The following LRRC20 variants were observed in gnomAD, a reference collection of about 807,000 sequenced individuals.
LRRC20 encodes the protein leucine-rich repeat-containing protein 20.
LRRC20 carries 11 observed loss-of-function variants against 14.4 expected under a neutral mutation model. The observed-to-expected ratio is 0.77, with a 90% CI of 0.48 to 1.27. LRRC20 has a LOEUF of 1.27. LRRC20 is among the 50% of genes most tolerant of loss of function. The pLI, the probability that LRRC20 is intolerant of heterozygous loss-of-function variation, is 0.00. For missense variants in LRRC20, 219 were observed against 251.2 expected, an observed-to-expected ratio of 0.87 and a Z score of 0.87; for synonymous variants, 121 against 107.3, an observed-to-expected ratio of 1.13 and a Z score of -0.79.
intron 2 of LRRC20, among the ~76,000 whole-genome samples, chr10:70,371,608 G>A (rs1044492281): frequency 3.3e-5 from 5 of 152,182 alleles, no homozygotes; most frequent in Admixed American, 2.0e-4. Flanking sequence ...GCCCCTCAGC[G>A]GTCCAGGACC....
At chr10:70,310,034 G>A (rs186035216) in intron 4 of LRRC20, among the ~76,000 whole-genome samples, 205 of 152,370 alleles carry the variant, frequency 1.3e-3, no homozygotes, top group Non-Finnish European at 2.2e-3. Flanking sequence ...CACAGGCACA[G>A]AGCAGGGATT....
chr10:70,337,838 C>G lies in LRRC20; in HGVS notation c.232+2715G>C, dbSNP rs557222646. Among the ~76,000 whole-genome samples, 6 of 152,258 alleles carry G rather than the reference C, an allele frequency of 3.9e-5. No individual in the cohort carries two copies. In the South Asian group the frequency reaches 1.2e-3, roughly 32 times the overall value. On this transcript the variant is annotated intron_variant, in intron 3 of 4. Coordinates refer to ENST00000446961, the MANE Select transcript of LRRC20 (RefSeq NM_001278212.2). The stretch of plus-strand genomic sequence containing the variant: ...GGATTGGCCTTTGTTTCTGGGCCTC[C>G]GGACCTAGGTCTGGGAGACGCAGGT...
intron 2 of LRRC20, among the ~76,000 whole-genome samples, chr10:70,346,075 A>G (rs144873623): frequency 0.041 from 6,244 of 152,258 alleles, 448 homozygotes; most frequent in African/African-American, 0.14. Flanking sequence ...CAACATGATG[A>G]AACCCTATCT....
chr10:70,319,124 C>G (rs566685090), intron 4 of LRRC20, among the ~76,000 whole-genome samples: 11 of 144,634 alleles, frequency 7.6e-5, no homozygotes, highest in African/African-American at 2.5e-4. Context: ...TTAATGAAGA[C>G]TTGTTTTCCT....
chr10:70,302,376 T>A (rs1219555454), intron 4 of LRRC20, among the ~76,000 whole-genome samples: 4 of 152,058 alleles, frequency 2.6e-5, no homozygotes, highest in African/African-American at 9.7e-5. Context: ...AAATACCGTA[T>A]GACTCCACTT....
intron 4 of LRRC20, among the ~76,000 whole-genome samples, chr10:70,304,019 T>G (rs539577905): frequency 6.6e-5 from 10 of 152,196 alleles, no homozygotes; most frequent in Admixed American, 6.5e-4. Context: ...TATGTGAATT[T>G]CGCCTCAGTT....
At chr10:70,328,350 G>A (rs1033115274) in intron 3 of LRRC20, among the ~76,000 whole-genome samples, 1 of 151,800 alleles carries the variant, frequency 6.6e-6, no homozygotes, top group African/African-American at 2.4e-5. Context: ...AGGCTGGAGT[G>A]CAGTGGTGTG....
intron 2 of LRRC20, among the ~76,000 whole-genome samples, chr10:70,352,124 TTG>T (rs1491428583): frequency 1.5e-5 from 1 of 64,988 alleles, no homozygotes; most frequent in Non-Finnish European, 3.8e-5. Flanking sequence ...AAGACATGCT[TTG>T]TTTTTTGTAA....
At chr10:70,301,639 C>T in intron 4 of LRRC20, 131 bp from the exon 5 acceptor site, 1 of 1,104,976 alleles carries the variant, frequency 9.0e-7, no homozygotes, top group Non-Finnish European at 1.3e-6. Flanking sequence ...CACGTGGGCT[C>T]AGCTCCTGGT....
chr10:70,333,406 T>C (rs968249984), intron 3 of LRRC20, among the ~76,000 whole-genome samples: 6 of 152,170 alleles, frequency 3.9e-5, no homozygotes, highest in Non-Finnish European at 8.8e-5. Context: ...CTCCCCTTCA[T>C]AGGGAATTTA....
intron 2 of LRRC20, among the ~76,000 whole-genome samples, chr10:70,367,958 C>CTGTGTTATGTTATGT (rs1844077975): frequency 4.6e-5 from 1 of 21,896 alleles, no homozygotes; most frequent in African/African-American, 2.0e-4. Context: ...ATAAATCTGC[C>CTGTGTTATGTTATGT]TATGTTATGT....
intron 2 of LRRC20, among the ~76,000 whole-genome samples, chr10:70,341,573 GC>G (rs1842914424): frequency 6.6e-6 from 1 of 152,158 alleles, no homozygotes; most frequent in South Asian, 2.1e-4. Flanking sequence ...TTCGAGACCA[GC>G]CTGGCCAACA....
At chr10:70,336,677 C>T (rs1407585785) in intron 3 of LRRC20, among the ~76,000 whole-genome samples, 1 of 152,220 alleles carries the variant, frequency 6.6e-6, no homozygotes, top group East Asian at 1.9e-4. Flanking sequence ...TCCACTCTAC[C>T]ACTCTGCTGC....
rs117180489 is a variant in LRRC20, at chr10:70,380,110, A to G, written c.-64+2439T>C. ...CAGGGGTTGAGGACCCTTGCCTTAG[A>G]CCACTGATGAAAACTAGTCAGATTA... is the stretch of plus-strand genomic sequence containing the variant. On this transcript the variant is annotated intron_variant, in intron 1 of 4. Transcript: ENST00000446961. Among the ~76,000 whole-genome samples, 437 of 152,232 alleles carry G rather than the reference A, an allele frequency of 2.9e-3. 1 individual carries two copies. Among genetic ancestry groups the G allele is most frequent in the Non-Finnish European group, 5.2e-3 (351 of 68,016 alleles).
At chr10:70,379,635 C>T (rs2137192042) in intron 1 of LRRC20, among the ~76,000 whole-genome samples, 1 of 152,324 alleles carries the variant, frequency 6.6e-6, no homozygotes, top group Non-Finnish European at 1.5e-5. Context: ...AGCACTGAAG[C>T]AATCCTGGCC....
chr10:70,315,855 T>C (rs1841830938), intron 4 of LRRC20, among the ~76,000 whole-genome samples: 1 of 152,228 alleles, frequency 6.6e-6, no homozygotes, highest in African/African-American at 2.4e-5. Flanking sequence ...TCAGTGACCC[T>C]ATGATTAAAC....
intron 3 of LRRC20, among the ~76,000 whole-genome samples, chr10:70,326,954 C>T (rs576566126): frequency 5.3e-5 from 8 of 152,308 alleles, no homozygotes; most frequent in Admixed American, 1.3e-4. Flanking sequence ...CCACCGCGCC[C>T]GGCAGACATG....
At position 70,340,649 on chromosome 10, in the gene LRRC20, G is replaced by T. The variant is rs370771551; in HGVS notation, c.136C>A (p.Arg46=). ...SFPIGIYKVL[R]NVSGQIHLIT... Reference sequence around the variant, plus strand: ...AGGTGGATCTGGCCAGAGACATTCCGCAGGACCTTGTAGATGCCAATGGGA... The same window carrying T: ...AGGTGGATCTGGCCAGAGACATTCCTCAGGACCTTGTAGATGCCAATGGGA... Residue 46 remains arginine, a synonymous_variant, in exon 3 of 5, where the codon CGG becomes AGG. Coordinates refer to ENST00000446961, the MANE Select transcript of LRRC20 (RefSeq NM_001278212.2). The T allele has an allele frequency of 6.2e-6, 10 of 1,614,072 alleles. No individual in the cohort carries two copies. The South Asian group carries it at 1.1e-4, about 18-fold the overall frequency.
chr10:70,333,713 G>A (rs945582753), intron 3 of LRRC20, among the ~76,000 whole-genome samples: 1 of 152,218 alleles, frequency 6.6e-6, no homozygotes, highest in Non-Finnish European at 1.5e-5. Flanking sequence ...GATGCAGAAG[G>A]CCACAACCTT....
Sources: allele counts gnomAD v4.1 joint callset (sites outside exome capture counted in the v4.1 genomes callset), GRCh38; gene constraint gnomAD v4.1.1; transcripts MANE v1.5; gene names NCBI Gene and HGNC (gene_info 2026-07-23, HGNC 2026-07-21).